Variants in SNAP47 observed in about 807,000 individuals in gnomAD.
SNAP47 encodes synaptosomal-associated protein 47.
SNAP47 carries 20 observed loss-of-function variants against 31.4 expected under a neutral mutation model. The observed-to-expected ratio is 0.64, with a 90% CI of 0.45 to 0.93. The LOEUF (loss-of-function observed/expected upper bound fraction) is 0.93, where lower values mean the gene tolerates loss of function less well. Among genes scored for constraint, SNAP47 ranks in the 40% least tolerant of loss-of-function variants. The pLI, the probability that SNAP47 is intolerant of heterozygous loss-of-function variation, is 0.00. For synonymous variants in SNAP47, 194 were observed against 213.4 expected, an observed-to-expected ratio of 0.91 and a Z score of 0.79; for missense variants, 492 against 528.5, an observed-to-expected ratio of 0.93 and a Z score of 0.68.
rs550207949 is a variant in SNAP47 at position 227,761,714 on chromosome 1, G to T, written c.988+2229G>T. On this transcript the variant is annotated intron_variant, in intron 3 of 4. Coordinates refer to ENST00000617596, the MANE Select transcript of SNAP47 (RefSeq NM_053052.4). The stretch of plus-strand genomic sequence containing the variant: ...CTGGTGGTGTGGGGACTGAAGAGGG[G>T]TCCCTGGGTATGTGTGGCGTCAGGC... Among the ~76,000 whole-genome samples the T allele has an allele frequency of 3.9e-5, 6 of 152,278 alleles. No homozygotes were observed. The South Asian group carries it at 1.2e-3, about 32-fold the overall frequency.
intron 4 of SNAP47, among the ~76,000 whole-genome samples, chr1:227,767,565 T>TTG (rs139092340): frequency 6.6e-6 from 1 of 152,010 alleles, no homozygotes; most frequent in Non-Finnish European, 1.5e-5. Context: ...GTTGTGTGTG[T>TTG]TGTGTGTGTA....
chr1:227,770,318 C>T (rs1219897366), intron 4 of SNAP47, among the ~76,000 whole-genome samples: 2 of 152,308 alleles, frequency 1.3e-5, no homozygotes, highest in Middle Eastern at 3.4e-3. Flanking sequence ...CGGTCAGGCT[C>T]ACTTGGGGCT....
chr1:227,758,512 AG>A (rs79448064), intron 2 of SNAP47, among the ~76,000 whole-genome samples: 21,614 of 152,242 alleles, frequency 0.14, 1,885 homozygotes, highest in East Asian at 0.22. Context: ...GTGGTGGGGA[AG>A]CATCTAATGC....
chr1:227,761,749 G>C (rs78199236), intron 3 of SNAP47, among the ~76,000 whole-genome samples: 15,208 of 152,176 alleles, frequency 0.1, 817 homozygotes, highest in Middle Eastern at 0.21. Flanking sequence ...CAGGAAGTTT[G>C]TGACATTCTG....
chr1:227,743,261 G>A (rs531574663), intron 1 of SNAP47, among the ~76,000 whole-genome samples: 2 of 152,190 alleles, frequency 1.3e-5, no homozygotes, highest in Non-Finnish European at 2.9e-5. Context: ...CTTGGCCTTG[G>A]TGTGTGCTGC....
At chr1:227,732,372 T>A (rs778446496), upstream of SNAP47, 8 of 1,608,568 alleles carry the variant, frequency 5.0e-6, no homozygotes, top group Non-Finnish European at 6.8e-6. Context: ...CCACCCGTCC[T>A]TCTATCCTCA....
intron 4 of SNAP47, among the ~76,000 whole-genome samples, chr1:227,775,618 T>C (rs1474221462): frequency 6.6e-6 from 1 of 152,238 alleles, no homozygotes; most frequent in Non-Finnish European, 1.5e-5. Flanking sequence ...CTGGGACGTC[T>C]TCAGGCCCCC....
intron 1 of SNAP47, among the ~76,000 whole-genome samples, chr1:227,738,400 A>ACATT (rs1383863829): frequency 5.9e-5 from 9 of 152,022 alleles, no homozygotes; most frequent in South Asian, 2.1e-4. Context: ...CTTCACACAT[A>ACATT]CATTCATTCA....
intron 2 of SNAP47, among the ~76,000 whole-genome samples, chr1:227,751,622 C>T (rs1380254278): frequency 6.6e-6 from 1 of 152,094 alleles, no homozygotes; most frequent in African/African-American, 2.4e-5. Flanking sequence ...GGCAGGGCGC[C>T]CAGCCTCCAG....
intron 3 of SNAP47, among the ~76,000 whole-genome samples, chr1:227,766,086 C>T (rs1210297520): frequency 6.6e-6 from 1 of 152,204 alleles, no homozygotes; most frequent in East Asian, 1.9e-4. Context: ...TGCTCCCGGG[C>T]TGCATCCATC....
intron 1 of SNAP47, among the ~76,000 whole-genome samples, chr1:227,742,821 A>G (rs1202496570): frequency 6.6e-6 from 1 of 152,168 alleles, no homozygotes; most frequent in Non-Finnish European, 1.5e-5. Context: ...AGCATGACTG[A>G]GTTGGTGTAG....
chr1:227,763,166 G>A lies in SNAP47; in HGVS notation c.988+3681G>A, dbSNP rs1370708065. On this transcript the variant is annotated intron_variant, in intron 3 of 4. Coordinates refer to ENST00000617596, the MANE Select transcript of SNAP47 (RefSeq NM_053052.4). This position sits in a 1 kb window ranked among gnomAD's most constrained non-coding sequence, Gnocchi z 4.2. ...TATGGGGTCTTGCCGTGTTGCCTAG[G>A]CTGGTCTTGAACTCCTGGGCTCAAG... Among the ~76,000 whole-genome samples, 1 of 151,894 alleles carries A rather than the reference G, an allele frequency of 6.6e-6. No individual in the cohort carries two copies. The highest frequency in any genetic ancestry group is 2.4e-5 in the African/African-American group (1 of 41,336).
chr1:227,748,331 C>G, intron 2 of SNAP47, 98 bp downstream of exon 2: 1 of 1,310,534 alleles, frequency 7.6e-7, no homozygotes, highest in Non-Finnish European at 1.0e-6. Context: ...ACCATATTTG[C>G]ACACATCCAG....
At chr1:227,775,885 G>T (rs1308823495) in intron 4 of SNAP47, 1 of 1,303,458 alleles carries the variant, frequency 7.7e-7, no homozygotes, top group Non-Finnish European at 1.0e-6. Context: ...TTCCTAGCAG[G>T]GCAGCAAGCG....
At chr1:227,774,316 A>G (rs754406902) in intron 4 of SNAP47, among the ~76,000 whole-genome samples, 2 of 152,218 alleles carry the variant, frequency 1.3e-5, no homozygotes, top group Non-Finnish European at 2.9e-5. Flanking sequence ...GGTATTACGC[A>G]GTCTTGGTTC....
At chr1:227,734,145 G>T, upstream of SNAP47, 3 of 1,281,172 alleles carry the variant, frequency 2.3e-6, no homozygotes, top group South Asian at 2.9e-5. Flanking sequence ...CCAGATGGCT[G>T]CAGCCCCCAA....
At chr1:227,761,050 T>C (rs1663026355) in intron 3 of SNAP47, among the ~76,000 whole-genome samples, 1 of 152,260 alleles carries the variant, frequency 6.6e-6, no homozygotes, top group Non-Finnish European at 1.5e-5. Context: ...TCAATGCCTA[T>C]GTATTGTGCA....
chr1:227,737,072 A>G (rs2102882784), intron 1 of SNAP47, among the ~76,000 whole-genome samples: 1 of 152,302 alleles, frequency 6.6e-6, no homozygotes, highest in African/African-American at 2.4e-5. Context: ...CTGGTGGGGA[A>G]AACCTGTGGT....
intron 1 of SNAP47, chr1:227,746,727 GC>G (rs1271569247): frequency 2.6e-5 from 4 of 152,242 alleles, no homozygotes; most frequent in African/African-American, 9.6e-5. Context: ...ACACTGGCTG[GC>G]TGTCCTGTTT....
Sources: allele counts gnomAD v4.1 joint callset (sites outside exome capture counted in the v4.1 genomes callset), GRCh38; gene constraint gnomAD v4.1.1; non-coding constraint Gnocchi (gnomAD v3.1); transcripts MANE v1.5; gene names NCBI Gene and HGNC (gene_info 2026-07-23, HGNC 2026-07-21).